PTPN13: variants seen among roughly 807,000 people sequenced by gnomAD.
PTPN13 encodes the protein protein tyrosine phosphatase non-receptor type 13, also known as tyrosine-protein phosphatase non-receptor type 13.
Under a neutral mutation model 284.0 loss-of-function variants are expected in PTPN13, and 191 were observed. The observed-to-expected ratio is 0.67, with a 90% CI of 0.60 to 0.76. PTPN13 has a LOEUF of 0.76. Ranked by LOEUF, PTPN13 falls within the 30% of genes least tolerant of loss-of-function variation. The probability of loss-of-function intolerance (pLI) is 0.00; values close to 1 mark genes in which losing one functional copy is unlikely to be tolerated. For synonymous variants in PTPN13, 986 were observed against 1,022.3 expected (o/e 0.96, Z 0.68); for missense variants, 2,797 against 2,939.9 (o/e 0.95, Z 1.12).
At chr4:86,785,498 C>A in intron 39 of PTPN13, 130 bp downstream of exon 39, 2 of 868,212 alleles carry the variant, frequency 2.3e-6, no homozygotes, top group Non-Finnish European at 3.3e-6. Flanking sequence ...ATTTCAGAAA[C>A]AAAACAGAAT....
chr4:86,751,945 GCA>G (rs1737436700), intron 19 of PTPN13, among the ~76,000 whole-genome samples: 1 of 151,700 alleles, frequency 6.6e-6, no homozygotes. Flanking sequence ...GTGTGTGTGT[GCA>G]TGCACATGTG....
At chr4:86,656,658 G>A (rs1207633519) in intron 2 of PTPN13, among the ~76,000 whole-genome samples, 2 of 152,210 alleles carry the variant, frequency 1.3e-5, no homozygotes, top group Non-Finnish European at 2.9e-5. Flanking sequence ...TCCCAGTTAG[G>A]CTACTCGGGG....
rs1359064991 is a variant in PTPN13, at chr4:86,799,101, C to T, written c.6402C>T (p.Ser2134=). The change falls in exon 42 of 48, where the codon AGC becomes AGT. Residue 2134 remains serine, a splice_region_variant and synonymous_variant. Coordinates refer to ENST00000411767, the MANE Select transcript of PTPN13 (RefSeq NM_080683.3). ...EYCEEKVKSE[S]LIQKPQEKKT... is the part of the protein sequence containing the mutation. ...TTTCAAATATGTTTTGTTTTCATAGCTTAATTCAGAAGCCACAAGAAAAGA... is the reference window on the plus strand; with the variant it reads ...TTTCAAATATGTTTTGTTTTCATAGTTTAATTCAGAAGCCACAAGAAAAGA... The T allele has an allele frequency of 1.3e-6, 2 of 1,556,734 alleles. No individual in the cohort carries two copies. Among genetic ancestry groups the T allele is most frequent in the Non-Finnish European group, 1.7e-6 (2 of 1,150,486 alleles).
In PTPN13 at chr4:86,802,145, T is replaced by TTGTGTG. The variant is rs565544263; in HGVS notation, c.6506-1564_6506-1563insTGTGTG. On this transcript the variant is annotated intron_variant, in intron 42 of 47. Coordinates refer to ENST00000411767, the MANE Select transcript of PTPN13 (RefSeq NM_080683.3). ...TTCTGTATATATGAGATCAAGATTTTAGTGTGTGTGTGTGTGTGTGTGTGT... is the reference window on the plus strand; with the variant it reads ...TTCTGTATATATGAGATCAAGATTTTTGTGTGAGTGTGTGTGTGTGTGTGTGTGTGT... 4.4e-4 allele frequency among the ~76,000 whole-genome samples: 64 copies of TTGTGTG among 143,954 alleles called. 1 individual carries two copies. In the South Asian group the frequency reaches 7.3e-3, roughly 17 times the overall value. The allele number at this position is 143,954 out of a possible 152,430, so 94.4% of individuals were successfully genotyped here. A position where few individuals can be genotyped will look rare whatever the true frequency, so the allele number is the denominator to read the frequency against.
chr4:86,803,598 A>G, intron 42 of PTPN13, 111 bp from the exon 43 acceptor site: 1 of 1,150,206 alleles, frequency 8.7e-7, no homozygotes. Context: ...ATCTCTAAAT[A>G]AATAAATAGA....
intron 31 of PTPN13, among the ~76,000 whole-genome samples, chr4:86,772,224 A>G (rs768814466): frequency 6.6e-6 from 1 of 152,154 alleles, no homozygotes; most frequent in Non-Finnish European, 1.5e-5. Context: ...TATTTAACCT[A>G]TCTTGCTGAC....
At chr4:86,716,938 ATGTC>A (rs1733094704) in intron 8 of PTPN13, 82 bp from the exon 9 acceptor site, 5 of 883,308 alleles carry the variant, frequency 5.7e-6, no homozygotes, top group Non-Finnish European at 7.2e-6. Context: ...GTACAACTCT[ATGTC>A]TGCTAAGTGT....
At chr4:86,734,988 G>T in intron 14 of PTPN13, 113 bp downstream of exon 14, 1 of 1,219,906 alleles carries the variant, frequency 8.2e-7, no homozygotes, top group Non-Finnish European at 1.1e-6. Context: ...AGATTTTTGA[G>T]GCTTCTTTGG....
chr4:86,809,418 C>T (rs966635467), intron 45 of PTPN13, among the ~76,000 whole-genome samples: 1 of 152,088 alleles, frequency 6.6e-6, no homozygotes, highest in Non-Finnish European at 1.5e-5. Flanking sequence ...TTAATTGTGG[C>T]CGGGCACAGT....
In PTPN13 at chr4:86,732,813, C is replaced by G. The variant is rs770057617; in HGVS notation, c.1858+47C>G. The G allele has an allele frequency of 1.3e-5, 20 of 1,506,798 alleles. No homozygotes were observed. The East Asian group carries it at 4.6e-4, about 34-fold the overall frequency. 93.3% of individuals were successfully genotyped at this position (1,506,798 alleles called of 1,614,324 possible). On this transcript the variant is annotated intron_variant, in intron 12 of 47. Transcript: ENST00000411767. ...AGAGTACAGTATAGAAATTTAGCAA[C>G]AAGCAGACTTCCTATGTTTGTTACC...
chr4:86,713,131 T>C (rs1423376300), intron 7 of PTPN13, among the ~76,000 whole-genome samples: 1 of 152,134 alleles, frequency 6.6e-6, no homozygotes, highest in Non-Finnish European at 1.5e-5. Context: ...TTGAACAGGT[T>C]TATTGTGACT....
At chr4:86,814,000 C>CTTTT (rs535405150) in intron 47 of PTPN13, among the ~76,000 whole-genome samples, 6 of 100,042 alleles carry the variant, frequency 6.0e-5, no homozygotes, top group African/African-American at 1.7e-4. Context: ...TACCCTGCTT[C>CTTTT]TTTTTTTTTT....
In PTPN13 at chr4:86,635,272, G is replaced by A; in HGVS notation, c.16G>A (p.Ala6Thr). Reference sequence around the variant, plus strand: ...CCCAGGTAATATGCACGTGTCACTAGCTGAGGCCCTGGAGGTTCGGGGTGG... The same window carrying A: ...CCCAGGTAATATGCACGTGTCACTAACTGAGGCCCTGGAGGTTCGGGGTGG... MHVSL[A>T]EALEVRGGPL... The change falls in exon 2 of 48, where the codon GCT (alanine) becomes ACT (threonine). Residue 6 changes from alanine to threonine, a missense_variant. By Grantham distance (58) the Ala-to-Thr change is moderately conservative. Transcript: ENST00000411767. 1 of 1,603,410 alleles carries A rather than the reference G, an allele frequency of 6.2e-7. No individual in the cohort carries two copies. Among genetic ancestry groups the A allele is most frequent in the Non-Finnish European group, 8.5e-7 (1 of 1,175,124 alleles).
chr4:86,773,002 A>G (rs891379705), intron 32 of PTPN13, 44 bp downstream of exon 32: 8 of 1,370,574 alleles, frequency 5.8e-6, no homozygotes, highest in African/African-American at 3.0e-5. Flanking sequence ...CATATTTTTT[A>G]AAAGAAGGTG....
chr4:86,774,224 T>A (rs755383721), intron 32 of PTPN13, 149 bp from the exon 33 acceptor site: 48 of 680,392 alleles, frequency 7.1e-5, no homozygotes, highest in Non-Finnish European at 1.1e-4. Context: ...CTGTCTAGAG[T>A]CAGACAGACT....
At position 86,730,424 on chromosome 4, in the gene PTPN13, A is replaced by G. The variant is rs747791001; in HGVS notation, c.1609-1976A>G. Among the ~76,000 whole-genome samples, 3 of 149,918 alleles carry G rather than the reference A, an allele frequency of 2.0e-5. 1 individual carries two copies. The highest frequency in any genetic ancestry group is 4.5e-5 in the Non-Finnish European group (3 of 66,742). ...CCCTGGCCACAGAGGTGGAGTCTGT[A>G]GAGGAAGCAGGCCTTGCTGAGCTGC... On this transcript the variant is annotated intron_variant, in intron 10 of 47. Transcript: ENST00000411767.
At chr4:86,782,963 G>A (rs945007467) in intron 37 of PTPN13, among the ~76,000 whole-genome samples, 1 of 152,050 alleles carries the variant, frequency 6.6e-6, no homozygotes, top group Non-Finnish European at 1.5e-5. Flanking sequence ...TCATTTCATG[G>A]AATTGTTTTA....
intron 2 of PTPN13, among the ~76,000 whole-genome samples, chr4:86,659,590 C>T (rs1002908684): frequency 1.4e-4 from 21 of 152,124 alleles, no homozygotes; most frequent in East Asian, 1.2e-3. Flanking sequence ...CCAAGGTGGA[C>T]GGATCACTTG....
chr4:86,661,542 A>G (rs1158085221), intron 2 of PTPN13, among the ~76,000 whole-genome samples: 1 of 152,074 alleles, frequency 6.6e-6, no homozygotes, highest in Non-Finnish European at 1.5e-5. Flanking sequence ...GAGAAGGAAA[A>G]TGTCTTTACA....
Sources: allele counts gnomAD v4.1 joint callset (sites outside exome capture counted in the v4.1 genomes callset), GRCh38; gene constraint gnomAD v4.1.1; transcripts MANE v1.5; gene names NCBI Gene and HGNC (gene_info 2026-07-23, HGNC 2026-07-21).